Variants in NFIC observed in about 807,000 individuals in gnomAD.
NFIC encodes nuclear factor 1 C-type.
Under a neutral mutation model 54.4 loss-of-function variants are expected in NFIC, and 12 were observed. That is an observed-to-expected ratio of 0.22 (90% CI 0.14 to 0.36). The LOEUF (loss-of-function observed/expected upper bound fraction) is 0.36. Ranked by LOEUF, NFIC falls within the 10% of genes least tolerant of loss-of-function variation. NFIC has a pLI of 1.00. For missense variants in NFIC, 575 were observed against 718.2 expected (o/e 0.80, Z 2.28); for synonymous variants, 322 against 319.2 (o/e 1.01, Z -0.09).
At chr19:3,446,283 G>T (rs111636850) in intron 6 of NFIC, among the ~76,000 whole-genome samples, 7 of 152,190 alleles carry the variant, frequency 4.6e-5, no homozygotes, top group African/African-American at 9.7e-5. Flanking sequence ...ACATAGTCTC[G>T]TGGAGGGTCC....
chr19:3,459,459 G>GT lies in NFIC; in HGVS notation c.1509+2825dup, dbSNP rs145408635. Among the ~76,000 whole-genome samples the GT allele has an allele frequency of 0.054, 8,273 of 152,216 alleles. 723 individuals are homozygous for GT. Among genetic ancestry groups the GT allele is most frequent in the African/African-American group, 0.19 (7,800 of 41,490 alleles). On this transcript the variant is annotated intron_variant, in intron 10 of 10. Transcript: ENST00000443272. The surrounding 1 kb of genome is among the most constrained non-coding windows in gnomAD (Gnocchi z 4.2). ...ACGTAAGCAGCTGGGTAAACCGAGGGTGGGGGGCAAGGCGGGCATTGAGCC... is the reference window on the plus strand; with the variant it reads ...ACGTAAGCAGCTGGGTAAACCGAGGGTTGGGGGGCAAGGCGGGCATTGAGCC...
At chr19:3,434,742 C>T (rs1368742387) in intron 5 of NFIC, among the ~76,000 whole-genome samples, 1 of 152,318 alleles carries the variant, frequency 6.6e-6, no homozygotes, top group African/African-American at 2.4e-5. Context: ...TTTCCCCATC[C>T]ATAAAATGGG....
intron 2 of NFIC, among the ~76,000 whole-genome samples, chr19:3,418,094 CT>C (rs1444617227): frequency 2.1e-4 from 31 of 145,838 alleles, no homozygotes; most frequent in African/African-American, 6.1e-4. Flanking sequence ...ATTTAATTTT[CT>C]TTTCTTTTTT....
At chr19:3,415,418 C>T (rs775301847) in intron 2 of NFIC, among the ~76,000 whole-genome samples, 10 of 152,054 alleles carry the variant, frequency 6.6e-5, no homozygotes, top group Non-Finnish European at 1.5e-4. Context: ...CTACTGCGCC[C>T]GGCCAAGTGC....
At chr19:3,397,954 G>A (rs1272905697) in intron 2 of NFIC, among the ~76,000 whole-genome samples, 2 of 152,174 alleles carry the variant, frequency 1.3e-5, no homozygotes, top group Non-Finnish European at 2.9e-5. Context: ...TTTGACCTTG[G>A]ATAAATCCCT....
chr19:3,361,839 G>A (rs2080815960), upstream of NFIC, among the ~76,000 whole-genome samples: 1 of 151,534 alleles, frequency 6.6e-6, no homozygotes, highest in South Asian at 2.1e-4. Context: ...CGTGCATGCA[G>A]TCATAGTTAC....
Position 3,465,401 on chromosome 19 carries a change from ATAAAAT to A in NFIC, c.*2633_*2638del, listed in dbSNP as rs2082704193. The A allele has an allele frequency of 6.8e-6, 1 of 147,898 alleles. No individual in the cohort carries two copies. Among genetic ancestry groups the A allele is most frequent in the African/African-American group, 2.6e-5 (1 of 39,040 alleles). The allele number at this position is 147,898 out of a possible 1,614,324, so 9.2% of individuals were successfully genotyped here. A position where few individuals can be genotyped will look rare whatever the true frequency, so the allele number is the denominator to read the frequency against. ...GGATGTATTTCTATTTGTAAAAAAA[ATAAAAT>A]AAAAAATAAGAAAGTGAGAATCTAA... On this transcript the variant is annotated 3_prime_UTR_variant, in exon 11 of 11. Coordinates refer to ENST00000443272, the MANE Select transcript of NFIC (RefSeq NM_001245002.2).
chr19:3,436,298 A>C (rs891033698), intron 6 of NFIC, among the ~76,000 whole-genome samples: 1 of 134,986 alleles, frequency 7.4e-6, no homozygotes, highest in Non-Finnish European at 1.5e-5. Context: ...GCATACTGCC[A>C]TGCGCCGTTA....
chr19:3,395,133 C>T (rs771570980), intron 2 of NFIC, among the ~76,000 whole-genome samples: 2 of 152,028 alleles, frequency 1.3e-5, no homozygotes, highest in Non-Finnish European at 2.9e-5. Context: ...CCGAGACGGG[C>T]GGATCTCCCG....
rs970258404 is a variant in NFIC, at chr19:3,369,420, C to G, written c.30+2754C>G. On this transcript the variant is annotated intron_variant, in intron 1 of 10. Coordinates refer to ENST00000443272, the MANE Select transcript of NFIC (RefSeq NM_001245002.2). This position sits in a 1 kb window ranked among gnomAD's most constrained non-coding sequence, Gnocchi z 4.3. Reference sequence around the variant, plus strand: ...TCTGTCTCTGGGCCTCCCTCTCCCCCTTTTCCCAGCTAATTTTACAACCTG... The same window carrying G: ...TCTGTCTCTGGGCCTCCCTCTCCCCGTTTTCCCAGCTAATTTTACAACCTG... Among the ~76,000 whole-genome samples, 3 of 151,582 alleles carry G rather than the reference C, an allele frequency of 2.0e-5. No individual in the cohort carries two copies. Among genetic ancestry groups the G allele is most frequent in the South Asian group, 2.1e-4 (1 of 4,798 alleles).
intron 6 of NFIC, among the ~76,000 whole-genome samples, chr19:3,448,573 C>T (rs956750377): frequency 2.0e-5 from 3 of 152,160 alleles, no homozygotes; most frequent in African/African-American, 4.8e-5. Flanking sequence ...CCCGCGTGGA[C>T]GAGGGAAGGC....
chr19:3,399,235 C>A (rs542620360), intron 2 of NFIC, among the ~76,000 whole-genome samples: 8 of 152,206 alleles, frequency 5.3e-5, no homozygotes, highest in Non-Finnish European at 1.2e-4. Flanking sequence ...TATAAAATAG[C>A]GCCTGCTCTG....
chr19:3,391,729 G>A lies in NFIC; in HGVS notation c.562+9486G>A, dbSNP rs991063683. Among the ~76,000 whole-genome samples, 5 of 152,012 alleles carry A rather than the reference G, an allele frequency of 3.3e-5. No homozygotes were observed. The East Asian group carries it at 5.9e-4, about 18-fold the overall frequency. On this transcript the variant is annotated intron_variant, in intron 2 of 10. Coordinates refer to ENST00000443272, the MANE Select transcript of NFIC (RefSeq NM_001245002.2). ...GGAGAATCACTTGAACCCGGGAGGCGGAGGTTGCGGTGAGCTGAGATTGCA... is the reference window on the plus strand; with the variant it reads ...GGAGAATCACTTGAACCCGGGAGGCAGAGGTTGCGGTGAGCTGAGATTGCA...
intron 10 of NFIC, among the ~76,000 whole-genome samples, chr19:3,461,916 T>C (rs1220005046): frequency 1.3e-5 from 2 of 151,254 alleles, no homozygotes; most frequent in Admixed American, 1.3e-4. Context: ...TAGCTGAGTG[T>C]GGTGGCATGC....
chr19:3,382,997 C>T (rs1457349859), intron 2 of NFIC, among the ~76,000 whole-genome samples: 1 of 149,940 alleles, frequency 6.7e-6, no homozygotes, highest in Non-Finnish European at 1.5e-5. Flanking sequence ...CAGGATCTCA[C>T]CCTCACGTCT....
rs564221720 is a variant in NFIC, at chr19:3,375,625, C to T, written c.31-6087C>T. Among the ~76,000 whole-genome samples the T allele has an allele frequency of 6.6e-6, 1 of 152,332 alleles. No individual in the cohort carries two copies. Among genetic ancestry groups the T allele is most frequent in the South Asian group, 2.1e-4 (1 of 4,834 alleles). On this transcript the variant is annotated intron_variant, in intron 1 of 10. Transcript: ENST00000443272. This position sits in a 1 kb window ranked among gnomAD's most constrained non-coding sequence, Gnocchi z 4.6. ...CCCCGCCGCAGCTGTTACGGTGACT[C>T]ACGCTTTGGGGGACATTGGGGTGGG...
At chr19:3,363,234 T>TGTGTGTGC (rs1555736613), upstream of NFIC, among the ~76,000 whole-genome samples, 137 of 62,242 alleles carry the variant, frequency 2.2e-3, 5 homozygotes, top group African/African-American at 9.6e-3. Flanking sequence ...TGTATGTGTA[T>TGTGTGTGC]GTGTGTGTAT....
At chr19:3,417,355 T>C (rs2081877860) in intron 2 of NFIC, among the ~76,000 whole-genome samples, 1 of 152,140 alleles carries the variant, frequency 6.6e-6, no homozygotes, top group South Asian at 2.1e-4. Context: ...GGAAATACGC[T>C]GTGCGCACTG....
chr19:3,436,794 G>A (rs2082210285), intron 6 of NFIC, among the ~76,000 whole-genome samples: 1 of 152,044 alleles, frequency 6.6e-6, no homozygotes, highest in Admixed American at 6.6e-5. Flanking sequence ...ATTTTTAGAA[G>A]CAGTATAACA....
Sources: allele counts gnomAD v4.1 joint callset (sites outside exome capture counted in the v4.1 genomes callset), GRCh38; gene constraint gnomAD v4.1.1; non-coding constraint Gnocchi (gnomAD v3.1); transcripts MANE v1.5; gene names NCBI Gene and HGNC (gene_info 2026-07-23, HGNC 2026-07-21).